ZNF423: variants seen among roughly 807,000 people sequenced by gnomAD.
The protein encoded by ZNF423 is Ebf-associated zinc finger protein.
A neutral mutation model predicts 95.8 loss-of-function variants in ZNF423; 12 were observed. That is an observed-to-expected ratio of 0.13 (90% CI 0.08 to 0.20). The LOEUF (loss-of-function observed/expected upper bound fraction) is 0.20, where lower values mean the gene tolerates loss of function less well. Ranked by LOEUF, ZNF423 falls within the 10% of genes least tolerant of loss-of-function variation. ZNF423 has a pLI of 1.00. For missense variants in ZNF423, 1,316 were observed against 1,737.1 expected (o/e 0.76, Z 4.31); for synonymous variants, 749 against 711.9 (o/e 1.05, Z -0.83).
chr16:49,491,542 CTTTTTTTTT>C (rs35641691), intron 7 of ZNF423, among the ~76,000 whole-genome samples: 58 of 111,222 alleles, frequency 5.2e-4, no homozygotes, highest in Non-Finnish European at 8.1e-4. Flanking sequence ...TGTTTTTTGG[CTTTTTTTTT>C]TTTTTTTTTT....
intron 5 of ZNF423, among the ~76,000 whole-genome samples, chr16:49,555,329 G>A (rs977758027): frequency 2.0e-5 from 3 of 152,180 alleles, no homozygotes; most frequent in African/African-American, 4.8e-5. Flanking sequence ...GTGCAGGGTG[G>A]CATCCAGCCT....
At chr16:49,533,281 C>T (rs1433202387) in intron 5 of ZNF423, among the ~76,000 whole-genome samples, 1 of 152,118 alleles carries the variant, frequency 6.6e-6, no homozygotes, top group Admixed American at 6.5e-5. Flanking sequence ...CAATGGGATT[C>T]GGGGAACGAA....
rs879213062 is a variant in ZNF423 at position 49,491,176 on chromosome 16, G to C, written c.*99C>G. On this transcript the variant is annotated 3_prime_UTR_variant, in exon 8 of 8. Coordinates refer to ENST00000563137, the MANE Select transcript of ZNF423 (RefSeq NM_001379286.1). ...CAAATCATTAGAGTTTTACATCTGG[G>C]TTGCAAATGACACTTTGATTGGATG... 72 of 1,432,244 alleles carry C rather than the reference G, an allele frequency of 5.0e-5. No individual in the cohort carries two copies. In the South Asian group the frequency reaches 7.8e-4, roughly 15 times the overall value. The allele number at this position is 1,432,244 out of a possible 1,614,324, so 88.7% of individuals were successfully genotyped here. A position where few individuals can be genotyped will look rare whatever the true frequency, so the allele number is the denominator to read the frequency against.
intron 7 of ZNF423, among the ~76,000 whole-genome samples, chr16:49,521,128 A>C (rs1447021049): frequency 6.6e-6 from 1 of 152,182 alleles, no homozygotes; most frequent in Non-Finnish European, 1.5e-5. Flanking sequence ...CCACCTCTGC[A>C]CTTATGAGCT....
intron 5 of ZNF423, among the ~76,000 whole-genome samples, chr16:49,576,696 C>T (rs1314007722): frequency 6.6e-6 from 1 of 152,212 alleles, no homozygotes; most frequent in Non-Finnish European, 1.5e-5. Flanking sequence ...AATTCAAGTC[C>T]TACCTTTGAC....
At chr16:49,827,220 G>A (rs1046444351) in intron 1 of ZNF423, among the ~76,000 whole-genome samples, 4 of 152,102 alleles carry the variant, frequency 2.6e-5, no homozygotes, top group African/African-American at 9.6e-5. Context: ...TCACCTGCTC[G>A]CTCCAGCCTC....
chr16:49,727,759 G>A (rs16947905), intron 3 of ZNF423, among the ~76,000 whole-genome samples: 10,918 of 152,216 alleles, frequency 0.072, 484 homozygotes, highest in East Asian at 0.15. Flanking sequence ...CTCTGCTCCA[G>A]GCCAAGTGGG....
chr16:49,652,930 T>C (rs1973465907), intron 3 of ZNF423, among the ~76,000 whole-genome samples: 1 of 152,198 alleles, frequency 6.6e-6, no homozygotes, highest in African/African-American at 2.4e-5. Context: ...AAATTCATTA[T>C]AAATGAAAGG....
rs16944287 is a variant in ZNF423 at position 49,762,668 on chromosome 16, G to A, written c.100+26819C>T. ...AGAGGGGAGGACTGGAGGGCTGGCA[G>A]CTGTCACTCAGGAGGTGCAAGGACA... is the stretch of plus-strand genomic sequence containing the variant. On this transcript the variant is annotated intron_variant, in intron 2 of 7. Transcript: ENST00000563137. Among the ~76,000 whole-genome samples the A allele has an allele frequency of 1.1e-3, 169 of 152,294 alleles. 4 individuals carry two copies. In the East Asian group the frequency reaches 0.029, roughly 26 times the overall value.
intron 2 of ZNF423, among the ~76,000 whole-genome samples, chr16:49,755,775 T>C (rs2033715334): frequency 6.6e-6 from 1 of 152,190 alleles, no homozygotes; most frequent in Admixed American, 6.5e-5. Context: ...TATAACTCTG[T>C]TAATCCTCGA....
intron 2 of ZNF423, chr16:49,731,232 G>A (rs2033160567): frequency 2.6e-6 from 2 of 760,122 alleles, no homozygotes; most frequent in African/African-American, 3.8e-5. Flanking sequence ...GGATGCTGGG[G>A]GCCGTGACCC....
At chr16:49,827,673 G>A (rs560344876) in intron 1 of ZNF423, among the ~76,000 whole-genome samples, 3 of 152,184 alleles carry the variant, frequency 2.0e-5, no homozygotes, top group Admixed American at 1.3e-4. Context: ...GTGCCACCAC[G>A]CCAGGCTAAT....
chr16:49,673,259 T>C (rs2030896912), intron 3 of ZNF423, among the ~76,000 whole-genome samples: 1 of 152,148 alleles, frequency 6.6e-6, no homozygotes, highest in Admixed American at 6.5e-5. Context: ...CCCCATCCCA[T>C]CAAAATGACA....
intron 1 of ZNF423, among the ~76,000 whole-genome samples, chr16:49,793,101 C>A (rs1047765656): frequency 5.9e-5 from 9 of 152,060 alleles, no homozygotes; most frequent in African/African-American, 2.2e-4. Context: ...AGTCAACACC[C>A]AACCCCCCAC....
intron 2 of ZNF423, among the ~76,000 whole-genome samples, chr16:49,741,269 T>C (rs1320940243): frequency 1.3e-5 from 2 of 150,488 alleles, no homozygotes; most frequent in African/African-American, 2.4e-5. Flanking sequence ...CCAAGGCGGG[T>C]GGATCATTTG....
chr16:49,771,428 C>T (rs1013220175), intron 2 of ZNF423, among the ~76,000 whole-genome samples: 2 of 152,138 alleles, frequency 1.3e-5, no homozygotes, highest in African/African-American at 4.8e-5. Context: ...TGGTCTTGAA[C>T]TCCTGACCTC....
intron 2 of ZNF423, among the ~76,000 whole-genome samples, chr16:49,785,087 G>A (rs1567341841): frequency 6.6e-6 from 1 of 151,726 alleles, no homozygotes; most frequent in African/African-American, 2.4e-5. Context: ...AGTTATTTCA[G>A]AGGCAGGCAG....
At chr16:49,662,691 G>T (rs1369061075) in intron 3 of ZNF423, among the ~76,000 whole-genome samples, 2 of 152,180 alleles carry the variant, frequency 1.3e-5, no homozygotes, top group Non-Finnish European at 2.9e-5. Flanking sequence ...AGGGTGAAGG[G>T]TGGGGTGCCA....
At chr16:49,709,379 A>G (rs1276503927) in intron 3 of ZNF423, among the ~76,000 whole-genome samples, 1 of 151,908 alleles carries the variant, frequency 6.6e-6, no homozygotes, top group Non-Finnish European at 1.5e-5. Flanking sequence ...GTTCTTCACA[A>G]TGACATCATC....
Sources: gnomAD v4.1 joint callset for allele counts (sites outside exome capture counted in the v4.1 genomes callset) on GRCh38, gnomAD v4.1.1 for gene constraint, MANE v1.5 for transcripts, NCBI Gene and HGNC (gene_info 2026-07-23, HGNC 2026-07-21) for gene names.